The following NHEJ1 variants were observed in gnomAD, a reference collection of about 807,000 sequenced individuals.
NHEJ1 encodes the protein non-homologous end-joining factor 1.
NHEJ1 carries 22 observed loss-of-function variants against 39.4 expected under a neutral mutation model. The observed-to-expected ratio is 0.56, with a 90% CI of 0.40 to 0.80. The LOEUF is 0.80. Among genes scored for constraint, NHEJ1 ranks in the 30% least tolerant of loss-of-function variants. NHEJ1 has a pLI of 0.00. For synonymous variants in NHEJ1, 154 were observed against 135.6 expected (o/e 1.14, Z -0.94); for missense variants, 329 against 357.1 (o/e 0.92, Z 0.63).
chr2:219,133,754 G>C (rs753553055), intron 5 of NHEJ1, among the ~76,000 whole-genome samples: 1 of 152,136 alleles, frequency 6.6e-6, no homozygotes, highest in Non-Finnish European at 1.5e-5. Flanking sequence ...GGATGAAAAG[G>C]CTGCATCTCC....
At position 219,147,515 on chromosome 2, in the gene NHEJ1, T is replaced by C. The variant is rs531518743; in HGVS notation, c.529+142A>G. 6 of 960,788 alleles carry C rather than the reference T, an allele frequency of 6.2e-6. No homozygotes were observed. In the South Asian group the frequency reaches 7.0e-5, roughly 11 times the overall value. The allele number at this position is 960,788 out of a possible 1,614,324, so 59.5% of individuals were successfully genotyped here. A position where few individuals can be genotyped will look rare whatever the true frequency, so the allele number is the denominator to read the frequency against. ...ACAAACAAAAAAGAGTCACCTAATA[T>C]CAAGACTCCAGTTTCTGGTTAGTAT... On this transcript the variant is annotated intron_variant, in intron 4 of 7. Coordinates refer to ENST00000356853, the MANE Select transcript of NHEJ1 (RefSeq NM_024782.3).
At chr2:219,140,141 T>A (rs1332372722) in intron 5 of NHEJ1, among the ~76,000 whole-genome samples, 1 of 151,818 alleles carries the variant, frequency 6.6e-6, no homozygotes, top group Non-Finnish European at 1.5e-5. Flanking sequence ...AGTGTTAGAG[T>A]GTTAGAAAAA....
chr2:219,117,535 G>C (rs535313844), intron 5 of NHEJ1, among the ~76,000 whole-genome samples: 1 of 152,212 alleles, frequency 6.6e-6, no homozygotes, highest in Non-Finnish European at 1.5e-5. Context: ...TTGGGGAAAC[G>C]CACAAGTAAA....
Position 219,077,767 on chromosome 2 carries a change from C to T in NHEJ1, c.706+322G>A, listed in dbSNP as rs114771076. 2.0e-3 allele frequency among the ~76,000 whole-genome samples: 309 copies of T among 152,092 alleles called. 1 individual carries two copies. Among genetic ancestry groups the T allele is most frequent in the African/African-American group, 7.1e-3 (293 of 41,472 alleles). On this transcript the variant is annotated intron_variant, in intron 6 of 7. Transcript: ENST00000356853. ...CTGAGGTTACTGGTGTGAGCCACTGCGCCCAGCCAGGGAAACTAATCTTTC... is the reference window on the plus strand; with the variant it reads ...CTGAGGTTACTGGTGTGAGCCACTGTGCCCAGCCAGGGAAACTAATCTTTC...
chr2:219,085,540 C>G, intron 5 of NHEJ1, among the ~76,000 whole-genome samples: 1 of 152,206 alleles, frequency 6.6e-6, no homozygotes, highest in East Asian at 1.9e-4. Context: ...GTGCCTGCAA[C>G]AAGGTCTTCC....
intron 5 of NHEJ1, among the ~76,000 whole-genome samples, chr2:219,122,079 A>T (rs1949476557): frequency 6.6e-6 from 1 of 152,198 alleles, no homozygotes; most frequent in African/African-American, 2.4e-5. Context: ...TATAAGCAAG[A>T]AGTTCTATTC....
rs1164841959 is a variant in NHEJ1 at position 219,070,170 on chromosome 2, A to G, written c.*6211T>C. The stretch of plus-strand genomic sequence containing the variant: ...GGAGTACCTGGGACTACAGGCGCAC[A>G]TCACCACACTAATTTTTTTTTTATT... On this transcript the variant is annotated 3_prime_UTR_variant, in exon 8 of 8. Transcript: ENST00000356853. Among the ~76,000 whole-genome samples the G allele has an allele frequency of 2.6e-5, 4 of 152,118 alleles. No individual in the cohort carries two copies. The highest frequency in any genetic ancestry group is 7.2e-5 in the African/African-American group (3 of 41,420).
In NHEJ1 at chr2:219,111,783, T is replaced by A. The variant is rs1559193740; in HGVS notation, c.589-33577A>T. ...TTAAAATTAAACTCTGTACAAATAT[T>A]GACCTTTGGAGGGGACAGAAACCGG... On this transcript the variant is annotated intron_variant, in intron 5 of 7. Coordinates refer to ENST00000356853, the MANE Select transcript of NHEJ1 (RefSeq NM_024782.3). This position sits in a 1 kb window ranked among gnomAD's most constrained non-coding sequence, Gnocchi z 4.1. Among the ~76,000 whole-genome samples the A allele has an allele frequency of 6.6e-6, 1 of 152,016 alleles. No individual in the cohort carries two copies. Among genetic ancestry groups the A allele is most frequent in the Non-Finnish European group, 1.5e-5 (1 of 68,002 alleles).
At chr2:219,101,677 CT>C (rs1949262036) in intron 5 of NHEJ1, among the ~76,000 whole-genome samples, 1 of 151,702 alleles carries the variant, frequency 6.6e-6, no homozygotes. Flanking sequence ...TCCCAAAGTG[CT>C]GGGATTACAG....
intron 5 of NHEJ1, among the ~76,000 whole-genome samples, chr2:219,145,561 C>T (rs1247141137): frequency 1.3e-5 from 2 of 152,176 alleles, no homozygotes; most frequent in African/African-American, 2.4e-5. Context: ...TACAAATAAT[C>T]TATACATAAT....
chr2:219,136,449 C>T (rs912048325), intron 5 of NHEJ1, among the ~76,000 whole-genome samples: 6 of 151,856 alleles, frequency 4.0e-5, no homozygotes, highest in South Asian at 2.1e-4. Context: ...CCACCAAGCC[C>T]GGCTAATTTT....
chr2:219,121,980 C>G (rs1404332367), intron 5 of NHEJ1, among the ~76,000 whole-genome samples: 1 of 152,066 alleles, frequency 6.6e-6, no homozygotes, highest in Non-Finnish European at 1.5e-5. Context: ...ATACCAAGAA[C>G]TATATCGCAA....
intron 5 of NHEJ1, among the ~76,000 whole-genome samples, chr2:219,123,460 T>A (rs921734395): frequency 1.3e-5 from 2 of 152,086 alleles, no homozygotes; most frequent in Non-Finnish European, 2.9e-5. Context: ...TGATCATTAT[T>A]AAAAACAAAC....
intron 5 of NHEJ1, among the ~76,000 whole-genome samples, chr2:219,100,700 TGCAGATTC>T (rs1949249041): frequency 6.6e-6 from 1 of 150,702 alleles, no homozygotes; most frequent in African/African-American, 2.4e-5. Flanking sequence ...AGAATTAGAA[TGCAGATTC>T]CCACAGGGAC....
Position 219,145,377 on chromosome 2 carries a change from C to T in NHEJ1, c.588+1303G>A, listed in dbSNP as rs1949726342. 5.9e-5 allele frequency among the ~76,000 whole-genome samples: 9 copies of T among 152,084 alleles called. 1 individual carries two copies. The highest frequency in any genetic ancestry group is 5.9e-4 in the Admixed American group (9 of 15,268). ...CATTTTTTGCTTTTAGTGTTTAGAC[C>T]CCAAGCATTGTAGCTCAGTCAATGC... is the stretch of plus-strand genomic sequence containing the variant. On this transcript the variant is annotated intron_variant, in intron 5 of 7. Coordinates refer to ENST00000356853, the MANE Select transcript of NHEJ1 (RefSeq NM_024782.3).
intron 5 of NHEJ1, among the ~76,000 whole-genome samples, chr2:219,103,354 C>A (rs934441071): frequency 3.3e-5 from 5 of 151,858 alleles, no homozygotes; most frequent in Admixed American, 6.6e-5. Flanking sequence ...AGGCTCACTG[C>A]AACCTCTGCC....
chr2:219,083,825 A>C (rs1303723765), intron 5 of NHEJ1, among the ~76,000 whole-genome samples: 1 of 152,170 alleles, frequency 6.6e-6, no homozygotes, highest in Non-Finnish European at 1.5e-5. Context: ...CTAATGATAA[A>C]GTACATAGAG....
chr2:219,151,979 A>G (rs1341869155), intron 3 of NHEJ1, among the ~76,000 whole-genome samples: 2 of 152,078 alleles, frequency 1.3e-5, no homozygotes, highest in Non-Finnish European at 2.9e-5. Flanking sequence ...AATAACAATA[A>G]TAATAATAAT....
chr2:219,159,571 A>ATGCATATATATC (rs1949903372), intron 1 of NHEJ1, among the ~76,000 whole-genome samples: 1 of 14,690 alleles, frequency 6.8e-5, no homozygotes, highest in Non-Finnish European at 5.8e-4. Context: ...ATGCATATAT[A>ATGCATATATATC]TATGCATATA....
Sources: allele counts gnomAD v4.1 joint callset (sites outside exome capture counted in the v4.1 genomes callset), GRCh38; gene constraint gnomAD v4.1.1; non-coding constraint Gnocchi (gnomAD v3.1); transcripts MANE v1.5; gene names NCBI Gene and HGNC (gene_info 2026-07-23, HGNC 2026-07-21).